BTBD8: variants seen among roughly 807,000 people sequenced by gnomAD.
BTBD8 encodes BTB domain containing 8.
A neutral mutation model predicts 162.9 loss-of-function variants in BTBD8; 110 were observed. The ratio of observed to expected loss-of-function variants is 0.68; its 90% confidence interval spans 0.58 to 0.79. BTBD8 has a LOEUF of 0.79. BTBD8 is among the 30% of genes least tolerant of loss of function. The pLI is 0.00. For missense variants in BTBD8, 1,905 were observed against 2,085.4 expected, an observed-to-expected ratio of 0.91 and a Z score of 1.68; for synonymous variants, 667 against 716.1, an observed-to-expected ratio of 0.93 and a Z score of 1.10.
chr1:92,164,013 C>T (rs1216294869), intron 9 of BTBD8, among the ~76,000 whole-genome samples: 1 of 152,148 alleles, frequency 6.6e-6, no homozygotes, highest in African/African-American at 2.4e-5. Flanking sequence ...GCTTCCCTAC[C>T]AGAGCAGTGC....
intron 9 of BTBD8, among the ~76,000 whole-genome samples, chr1:92,160,685 T>C (rs1253798808): frequency 6.6e-6 from 1 of 151,992 alleles, no homozygotes; most frequent in Non-Finnish European, 1.5e-5. Flanking sequence ...CTGCCCCAAG[T>C]AGAAGGCGGG....
intron 7 of BTBD8, among the ~76,000 whole-genome samples, chr1:92,144,860 T>C (rs1488801049): frequency 1.3e-5 from 2 of 151,074 alleles, no homozygotes; most frequent in Non-Finnish European, 2.9e-5. Flanking sequence ...CACACGTATA[T>C]ATTTTATATA....
At chr1:92,154,667 T>C (rs1650118574) in intron 9 of BTBD8, among the ~76,000 whole-genome samples, 1 of 152,196 alleles carries the variant, frequency 6.6e-6, no homozygotes, top group Admixed American at 6.5e-5. Context: ...GAGTTTCTTA[T>C]ATATTTTGGA....
In BTBD8 at chr1:92,178,590, A is replaced by T. The variant is rs1309653544; in HGVS notation, c.2581+139A>T. 18 of 694,806 alleles carry T rather than the reference A, an allele frequency of 2.6e-5. No homozygotes were observed. The East Asian group carries it at 4.9e-4, about 19-fold the overall frequency. The allele number at this position is 694,806 out of a possible 1,614,324, so 43.0% of individuals were successfully genotyped here. On this transcript the variant is annotated intron_variant, in intron 16 of 17. Transcript: ENST00000636805. ...TTTATGTTTGTTTCACACCATAGAG[A>T]TGAGATTGTAAACTTTTACTTTTCA... is the stretch of plus-strand genomic sequence containing the variant.
chr1:92,152,171 G>T (rs913716381), intron 9 of BTBD8, among the ~76,000 whole-genome samples: 4 of 151,850 alleles, frequency 2.6e-5, no homozygotes, highest in Admixed American at 6.6e-5. Flanking sequence ...TGTGAGCAAA[G>T]ATTTTTTTTT....
chr1:92,114,826 C>T, intron 4 of BTBD8: 1 of 330,338 alleles, frequency 3.0e-6, no homozygotes. Flanking sequence ...CCATGTGGAC[C>T]ATGAAACCCA....
rs1650743662 is a variant in BTBD8, at chr1:92,177,234, G to A, written c.2041G>A (p.Val681Met). 3 of 1,552,106 alleles carry A rather than the reference G, an allele frequency of 1.9e-6. No homozygotes were observed. The highest frequency in any genetic ancestry group is 2.6e-6 in the Non-Finnish European group (3 of 1,147,082). Residue 681 changes from valine (V) to methionine (M), a missense_variant, in exon 14 of 18, where the codon GTG (valine) becomes ATG (methionine). Physicochemically the swap from Val to Met is conservative, Grantham distance 21. Around this residue, in one of 3 missense-constraint regions of BTBD8, gnomAD observed 1,374 missense variants for 1,442.7 expected, o/e 0.95. Transcript: ENST00000636805. ...GAAGAATTTACTAAATGGAAAAGGA[G>A]TGAGAAATCAGGAAGGGCAAATTTC... ...GQKNLLNGKG[V>M]RNQEGQISGA... is the part of the protein sequence containing the mutation.
At chr1:92,111,516 A>G (rs1179269005) in intron 4 of BTBD8, among the ~76,000 whole-genome samples, 2 of 152,336 alleles carry the variant, frequency 1.3e-5, no homozygotes, top group African/African-American at 2.4e-5. Context: ...CAGAAGTGGT[A>G]TGATTTAGTA....
intron 7 of BTBD8, among the ~76,000 whole-genome samples, chr1:92,142,638 C>T (rs75108428): frequency 0.055 from 8,314 of 152,210 alleles, 294 homozygotes; most frequent in Non-Finnish European, 0.085. Context: ...TGGTCCACAG[C>T]GAAGGAGGAG....
chr1:92,085,915 A>G (rs145880114), intron 1 of BTBD8, among the ~76,000 whole-genome samples: 2 of 152,272 alleles, frequency 1.3e-5, no homozygotes, highest in East Asian at 3.9e-4. Flanking sequence ...CAGGGGGCCA[A>G]TGCTAGTATG....
At position 92,119,111 on chromosome 1, in the gene BTBD8, A is replaced by C. The variant is rs973607094; in HGVS notation, c.663-10576A>C. Among the ~76,000 whole-genome samples the C allele has an allele frequency of 1.1e-4, 17 of 151,536 alleles. 1 individual carries two copies. Among genetic ancestry groups the C allele is most frequent in the African/African-American group, 4.1e-4 (17 of 41,094 alleles). The stretch of plus-strand genomic sequence containing the variant: ...ACTGTACACTACTGTAGACTTTATA[A>C]ATACTAAGGATACACACGAAATTTA... On this transcript the variant is annotated intron_variant, in intron 4 of 17. Coordinates refer to ENST00000636805, the MANE Select transcript of BTBD8 (RefSeq NM_001376131.1).
At position 92,180,986 on chromosome 1, in the gene BTBD8, C is replaced by T. The variant is rs1650881300; in HGVS notation, c.3303C>T (p.Ser1101=). ...KYMVSNPNEN[S]LNSNPVCDLD... is the part of the protein sequence containing the mutation. The stretch of plus-strand genomic sequence containing the variant: ...TGGTTTCAAATCCAAATGAAAACTC[C>T]TTGAACTCTAATCCAGTTTGTGATT... The change falls in exon 17 of 18, where the codon TCC becomes TCT. Residue 1101 remains serine, a synonymous_variant. Coordinates refer to ENST00000636805, the MANE Select transcript of BTBD8 (RefSeq NM_001376131.1). 2 of 1,551,724 alleles carry T rather than the reference C, an allele frequency of 1.3e-6. No homozygotes were observed. Among genetic ancestry groups the T allele is most frequent in the African/African-American group, 1.4e-5 (1 of 73,146 alleles).
intron 16 of BTBD8, 62 bp from the exon 17 acceptor site, chr1:92,180,203 A>C (rs1290314061): frequency 1.6e-6 from 2 of 1,219,364 alleles, no homozygotes; most frequent in Non-Finnish European, 2.2e-6. Context: ...CAAATTACTA[A>C]ATTTTACTCA....
Position 92,183,963 on chromosome 1 carries a change from C to T in BTBD8, c.5012C>T (p.Ala1671Val). The stretch of plus-strand genomic sequence containing the variant: ...ATATATGAGATGGATGTAATAGAAG[C>T]ATTTGAGCAGAAAGTGGAATCAGAA... Reference protein sequence around the residue: ...SPIYEMDVIEAFEQKVESETH... With the variant: ...SPIYEMDVIEVFEQKVESETH... Residue 1671 changes from alanine to valine, a missense_variant, in exon 18 of 18, where the codon GCA (alanine) becomes GTA (valine). Ala to Val is a moderately conservative substitution (Grantham distance 64). This residue lies in a region of BTBD8 where 517 missense variants were observed against 606.6 expected (regional missense o/e 0.85). Transcript: ENST00000636805. 6.4e-7 allele frequency: 1 copy of T among 1,551,480 alleles called. No individual in the cohort carries two copies.
At chr1:92,107,837 G>T (rs376352986) in intron 3 of BTBD8, 47 bp from the exon 4 acceptor site, 34 of 1,471,878 alleles carry the variant, frequency 2.3e-5, no homozygotes, top group Middle Eastern at 1.9e-4. Flanking sequence ...ATTTTTGGAC[G>T]TTTGTAATAT....
chr1:92,183,943 T>A lies in BTBD8; in HGVS notation c.4992T>A (p.Tyr1664Ter), dbSNP rs773480772. The A allele has an allele frequency of 5.8e-6, 9 of 1,551,290 alleles. No homozygotes were observed. The South Asian group carries it at 1.1e-4, about 18-fold the overall frequency. ...HRPSKTLSPI[Y>*]EMDVIEAFEQ... ...CTTCAAAAACCCTGTCTCCAATATATGAGATGGATGTAATAGAAGCATTTG... is the reference window on the plus strand; with the variant it reads ...CTTCAAAAACCCTGTCTCCAATATAAGAGATGGATGTAATAGAAGCATTTG... Residue 1664 changes from tyrosine to a stop codon, truncating the protein, a stop_gained, in exon 18 of 18, where the codon TAT (tyrosine) becomes TAA (stop). Transcript: ENST00000636805. LOFTEE classifies it high-confidence loss of function.
chr1:92,126,514 TCA>T (rs1649364645), intron 4 of BTBD8: 1 of 393,596 alleles, frequency 2.5e-6, no homozygotes, highest in Non-Finnish European at 4.8e-6. Context: ...TCCTCTTCAC[TCA>T]TGCAGACCGC....
intron 1 of BTBD8, 124 bp downstream of exon 1, chr1:92,080,844 A>G: frequency 6.9e-7 from 1 of 1,447,052 alleles, no homozygotes; most frequent in Non-Finnish European, 9.2e-7. Context: ...GCCTCAGGCG[A>G]CTGCGGGTCG....
intron 2 of BTBD8, among the ~76,000 whole-genome samples, chr1:92,089,104 A>G (rs762629202): frequency 2.0e-5 from 3 of 152,132 alleles, no homozygotes; most frequent in Non-Finnish European, 4.4e-5. Context: ...TAGTACTGGT[A>G]GTACAATATT....
Sources: gnomAD v4.1 joint callset for allele counts (sites outside exome capture counted in the v4.1 genomes callset) on GRCh38, gnomAD v4.1.1 for gene constraint, gnomAD v4.1.1 regional missense constraint, MANE v1.5 for transcripts, NCBI Gene and HGNC (gene_info 2026-07-23, HGNC 2026-07-21) for gene names.